GULP1: variants seen among roughly 807,000 people sequenced by gnomAD.
GULP1 encodes the protein GULP PTB domain containing engulfment adaptor 1.
A neutral mutation model predicts 40.9 loss-of-function variants in GULP1; 19 were observed. The observed-to-expected ratio is 0.46, with a 90% CI of 0.32 to 0.68. The LOEUF (loss-of-function observed/expected upper bound fraction) is 0.68, where lower values mean the gene tolerates loss of function less well. Ranked by LOEUF, GULP1 falls within the 30% of genes least tolerant of loss-of-function variation. The probability of loss-of-function intolerance (pLI) is 0.03; values close to 1 mark genes in which losing one functional copy is unlikely to be tolerated. For synonymous variants in GULP1, 119 were observed against 117.6 expected, an observed-to-expected ratio of 1.01 and a Z score of -0.08; for missense variants, 312 against 362.2, an observed-to-expected ratio of 0.86 and a Z score of 1.12.
intron 2 of GULP1, among the ~76,000 whole-genome samples, chr2:188,410,205 A>G (rs1340300245): frequency 2.6e-5 from 4 of 152,190 alleles, no homozygotes; most frequent in African/African-American, 9.7e-5. Flanking sequence ...AAAACTCAAA[A>G]TGATTTAAAG....
chr2:188,347,074 C>G (rs1019340327), intron 1 of GULP1, among the ~76,000 whole-genome samples: 1 of 152,042 alleles, frequency 6.6e-6, no homozygotes, highest in Admixed American at 6.5e-5. Flanking sequence ...CATCACTGAT[C>G]CATAGGCAGA....
chr2:188,474,165 G>A (rs927699773), intron 2 of GULP1, among the ~76,000 whole-genome samples: 10 of 152,176 alleles, frequency 6.6e-5, no homozygotes, highest in Non-Finnish European at 1.2e-4. Flanking sequence ...ATGCAAGACA[G>A]AGTCCTTTCC....
chr2:188,335,157 G>A (rs962202868), intron 1 of GULP1, among the ~76,000 whole-genome samples: 1 of 152,198 alleles, frequency 6.6e-6, no homozygotes, highest in African/African-American at 2.4e-5. Flanking sequence ...TTGAGAATTA[G>A]TGCCAGACTA....
At position 188,595,253 on chromosome 2, in the gene GULP1, T is replaced by C. The variant is rs1704261974; in HGVS notation, c.*1242T>C. ...AAATTTATGGTCAAAATTTCTAACT[T>C]GGTTCATCACATTATAAGATAAATA... On this transcript the variant is annotated 3_prime_UTR_variant, in exon 12 of 12. Coordinates refer to ENST00000409830, the MANE Select transcript of GULP1 (RefSeq NM_016315.4). 1 of 151,678 alleles carries C rather than the reference T, an allele frequency of 6.6e-6. No homozygotes were observed. Among genetic ancestry groups the C allele is most frequent in the Non-Finnish European group, 1.5e-5 (1 of 67,688 alleles). The allele number at this position is 151,678 out of a possible 1,614,324, so 9.4% of individuals were successfully genotyped here. A position where few individuals can be genotyped will look rare whatever the true frequency, so the allele number is the denominator to read the frequency against.
chr2:188,347,302 C>T (rs2043810651), intron 1 of GULP1, among the ~76,000 whole-genome samples: 4 of 152,170 alleles, frequency 2.6e-5, no homozygotes, highest in African/African-American at 4.8e-5. Flanking sequence ...ACAGCCATAG[C>T]ACAAACCCGG....
chr2:188,452,797 G>C (rs2058935978), intron 2 of GULP1, among the ~76,000 whole-genome samples: 1 of 152,120 alleles, frequency 6.6e-6, no homozygotes, highest in African/African-American at 2.4e-5. Flanking sequence ...CTTGTTTCTA[G>C]AGGTAGAATT....
chr2:188,411,990 C>G (rs2053955707), intron 2 of GULP1, among the ~76,000 whole-genome samples: 1 of 152,184 alleles, frequency 6.6e-6, no homozygotes, highest in South Asian at 2.1e-4. Flanking sequence ...AGGGAACTCC[C>G]CGTGAGGCCA....
rs575663367 is a variant in GULP1 at position 188,458,067 on chromosome 2, A to G, written c.-44-19592A>G. ...ACTCCTTATTCAACTGAGAAAATAC[A>G]TGCAATTAGAAGAGAAATTCTACAC... On this transcript the variant is annotated intron_variant, in intron 2 of 11. Coordinates refer to ENST00000409830, the MANE Select transcript of GULP1 (RefSeq NM_016315.4). Among the ~76,000 whole-genome samples, 17 of 152,282 alleles carry G rather than the reference A, an allele frequency of 1.1e-4. No homozygotes were observed. The South Asian group carries it at 2.9e-3, about 26-fold the overall frequency.
In GULP1 at chr2:188,421,453, G is replaced by A. The variant is rs140406980; in HGVS notation, c.-45+37564G>A. On this transcript the variant is annotated intron_variant, in intron 2 of 11. Transcript: ENST00000409830. Reference sequence around the variant, plus strand: ...ATATAGGAGATTTTTCTTTTAAAGCGGTTTTTACTAAAATTTCAGAAATAA... The same window carrying A: ...ATATAGGAGATTTTTCTTTTAAAGCAGTTTTTACTAAAATTTCAGAAATAA... Among the ~76,000 whole-genome samples, 236 of 151,992 alleles carry A rather than the reference G, an allele frequency of 1.6e-3. 2 individuals carry two copies. Among genetic ancestry groups the A allele is most frequent in the Admixed American group, 1.9e-3 (29 of 15,252 alleles).
intron 2 of GULP1, among the ~76,000 whole-genome samples, chr2:188,443,623 A>G (rs573920079): frequency 5.1e-4 from 78 of 152,330 alleles, no homozygotes; most frequent in Admixed American, 1.7e-3. Flanking sequence ...ATACAGTTCT[A>G]TAAAATGCAT....
rs569877138 is a variant in GULP1, at chr2:188,299,670, T to C, written c.-172+7504T>C. On this transcript the variant is annotated intron_variant, in intron 1 of 11. Coordinates refer to ENST00000409830, the MANE Select transcript of GULP1 (RefSeq NM_016315.4). ...AGTAGGTGACAGAGACCTCCTCTTA[T>C]TAACTTAAATAGAAGTTGGTATTTC... Among the ~76,000 whole-genome samples the C allele has an allele frequency of 1.8e-3, 276 of 152,344 alleles. 1 individual carries two copies. The highest frequency in any genetic ancestry group is 6.3e-3 in the African/African-American group (263 of 41,574).
At chr2:188,430,154 T>C (rs1286199535) in intron 2 of GULP1, among the ~76,000 whole-genome samples, 2 of 152,220 alleles carry the variant, frequency 1.3e-5, no homozygotes, top group Admixed American at 6.5e-5. Flanking sequence ...AAACATTTGA[T>C]TAAAACAGAG....
intron 1 of GULP1, among the ~76,000 whole-genome samples, chr2:188,365,930 G>T (rs1233379557): frequency 4.6e-5 from 7 of 152,196 alleles, no homozygotes; most frequent in Non-Finnish European, 1.5e-5. Context: ...GAGAGAACAA[G>T]TGGCCAGAAC....
At chr2:188,516,054 A>G (rs76834984) in intron 4 of GULP1, among the ~76,000 whole-genome samples, 6,029 of 152,202 alleles carry the variant, frequency 0.04, 275 homozygotes, top group African/African-American at 0.1. Flanking sequence ...ATTTTATTCT[A>G]TTCTGGATAA....
At chr2:188,534,509 A>G (rs1470711227) in intron 6 of GULP1, among the ~76,000 whole-genome samples, 2 of 152,094 alleles carry the variant, frequency 1.3e-5, no homozygotes, top group East Asian at 1.9e-4. Flanking sequence ...GGAGGGGATA[A>G]GGGTTTAAAA....
At chr2:188,550,801 GT>G (rs139352232) in intron 7 of GULP1, among the ~76,000 whole-genome samples, 1,645 of 151,132 alleles carry the variant, frequency 0.011, 30 homozygotes, top group African/African-American at 0.037. Context: ...AAAAATTAAT[GT>G]TTTTTTTATT....
intron 1 of GULP1, among the ~76,000 whole-genome samples, chr2:188,367,877 G>T: frequency 6.6e-6 from 1 of 152,136 alleles, no homozygotes; most frequent in East Asian, 1.9e-4. Flanking sequence ...TTTGACTGTA[G>T]GATGGGTGGG....
intron 3 of GULP1, among the ~76,000 whole-genome samples, chr2:188,481,663 A>G (rs2061457496): frequency 6.6e-6 from 1 of 151,776 alleles, no homozygotes; most frequent in South Asian, 2.1e-4. Flanking sequence ...AATTATTAAT[A>G]CCTCTCTGCC....
At chr2:188,399,714 A>AAAACAAAAAAAAC (rs1553540229) in intron 2 of GULP1, among the ~76,000 whole-genome samples, 1 of 131,078 alleles carries the variant, frequency 7.6e-6, no homozygotes, top group Non-Finnish European at 1.6e-5. Context: ...AAAAAAAAAA[A>AAAACAAAAAAAAC]CATCAAACTG....
Sources: allele counts gnomAD v4.1 joint callset (sites outside exome capture counted in the v4.1 genomes callset), GRCh38; gene constraint gnomAD v4.1.1; transcripts MANE v1.5; gene names NCBI Gene and HGNC (gene_info 2026-07-23, HGNC 2026-07-21).